The following TTC9C variants were observed in gnomAD, a reference collection of about 807,000 sequenced individuals.
TTC9C encodes the protein tetratricopeptide repeat protein 9C.
A neutral mutation model predicts 22.5 loss-of-function variants in TTC9C; 15 were observed. The ratio of observed to expected loss-of-function variants is 0.67; its 90% CI spans 0.45 to 1.03. TTC9C has a LOEUF of 1.03. Ranked by LOEUF, TTC9C falls within the 50% of genes least tolerant of loss-of-function variation. The probability of loss-of-function intolerance (pLI) is 0.00; values close to 1 mark genes in which losing one functional copy is unlikely to be tolerated. For synonymous variants in TTC9C, 92 were observed against 86.8 expected, an observed-to-expected ratio of 1.06 and a Z score of -0.33; for missense variants, 244 against 214.6, an observed-to-expected ratio of 1.14 and a Z score of -0.86.
intron 2 of TTC9C, among the ~76,000 whole-genome samples, chr11:62,736,682 C>T (rs140326808): frequency 7.6e-4 from 108 of 142,626 alleles, no homozygotes; most frequent in African/African-American, 2.7e-3. Context: ...GGACAGAGGG[C>T]GGCTCCGTCT....
rs780390246 is a variant in TTC9C, at chr11:62,728,982, T to G, written c.134T>G (p.Leu45Arg). The G allele has an allele frequency of 5.0e-6, 8 of 1,614,158 alleles. No homozygotes were observed. In the South Asian group the frequency reaches 7.7e-5, roughly 16 times the overall value. The part of the protein sequence containing the change: ...LLQLRGLDPS[L>R]PSPLPNLGPQ... ...CAGCTGCGGGGTCTGGATCCGAGTC[T>G]GCCCTCTCCGTTACCTAATCTCGGA... Residue 45 changes from leucine to arginine, a missense_variant, in exon 1 of 3, where the codon CTG (leucine) becomes CGG (arginine). Leu to Arg is a moderately radical substitution (Grantham distance 102). Coordinates refer to ENST00000316461, the MANE Select transcript of TTC9C (RefSeq NM_173810.4).
Position 62,728,880 on chromosome 11 carries a change from A to T in TTC9C, c.32A>T (p.Tyr11Phe), listed in dbSNP as rs781709297. The T allele has an allele frequency of 2.2e-5, 35 of 1,614,174 alleles. No individual in the cohort carries two copies. In the East Asian group the frequency reaches 6.5e-4, roughly 30 times the overall value. The change falls in exon 1 of 3, where the codon TAC (tyrosine) becomes TTC (phenylalanine). Residue 11 changes from tyrosine (Y) to phenylalanine (F), a missense_variant. Tyr to Phe is a conservative substitution (Grantham distance 22). Coordinates refer to ENST00000316461, the MANE Select transcript of TTC9C (RefSeq NM_173810.4). The part of the protein sequence containing the change: MEKRLQEAQL[Y>F]KEEGNQRYRE... ...AAGCGTCTGCAGGAGGCTCAGCTGTACAAGGAGGAAGGGAACCAGCGCTAC... is the reference window on the plus strand; with the variant it reads ...AAGCGTCTGCAGGAGGCTCAGCTGTTCAAGGAGGAAGGGAACCAGCGCTAC...
chr11:62,734,742 C>T (rs1432751541), intron 1 of TTC9C, among the ~76,000 whole-genome samples: 1 of 152,094 alleles, frequency 6.6e-6, no homozygotes, highest in Non-Finnish European at 1.5e-5. Context: ...CTCAGCCTCC[C>T]AAAGTGCTAG....
In TTC9C at chr11:62,738,357, A is replaced by G. The variant is rs2083936355; in HGVS notation, c.491A>G (p.Gln164Arg). The change falls in exon 3 of 3, where the codon CAG becomes CGG. Residue 164 changes from glutamine (Q) to arginine (R), a missense_variant. Physicochemically the swap from Gln to Arg is conservative, Grantham distance 43 (BLOSUM62 1). Transcript: ENST00000316461. Reference sequence around the variant, plus strand: ...AGCAGCTACCATAGAAAAGAGAAGCAGCTCTACCTGGGCATGTTTGGTTAA... The same window carrying G: ...AGCAGCTACCATAGAAAAGAGAAGCGGCTCTACCTGGGCATGTTTGGTTAA... The part of the protein sequence containing the change: ...ELSSYHRKEK[Q>R]LYLGMFG The G allele has an allele frequency of 6.2e-7, 1 of 1,612,580 alleles. No homozygotes were observed. Among genetic ancestry groups the G allele is most frequent in the African/African-American group, 1.3e-5 (1 of 74,906 alleles).
chr11:62,735,424 G>A lies in TTC9C; in HGVS notation c.281G>A (p.Arg94Lys). 1 of 1,614,184 alleles carries A rather than the reference G, an allele frequency of 6.2e-7. No homozygotes were observed. The highest frequency in any genetic ancestry group is 8.5e-7 in the Non-Finnish European group (1 of 1,180,032). ...QMEPVNYERV[R>K]EYSQKVLERQ... ...GAGCCCGTGAACTACGAACGAGTGAGAGAATATAGTCAGAAAGTCCTGGAA... is the reference window on the plus strand; with the variant it reads ...GAGCCCGTGAACTACGAACGAGTGAAAGAATATAGTCAGAAAGTCCTGGAA... Residue 94 changes from arginine (R) to lysine (K), a missense_variant, in exon 2 of 3, where the codon AGA becomes AAA. By Grantham distance (26) the Arg-to-Lys change is conservative (BLOSUM62 2). Coordinates refer to ENST00000316461, the MANE Select transcript of TTC9C (RefSeq NM_173810.4).
intron 1 of TTC9C, among the ~76,000 whole-genome samples, chr11:62,733,864 C>T (rs2083880273): frequency 1.3e-5 from 2 of 151,776 alleles, no homozygotes; most frequent in African/African-American, 2.4e-5. Flanking sequence ...TGGTGGTGAG[C>T]GCCTATAATC....
At position 62,738,300 on chromosome 11, in the gene TTC9C, G is replaced by A. The variant is rs1193534161; in HGVS notation, c.434G>A (p.Arg145Gln). Reference sequence around the variant, plus strand: ...ATCATCTTCCAAGATGCCAACGTCCGGCGGTACCTCCAGCTGACACAGTCA... The same window carrying A: ...ATCATCTTCCAAGATGCCAACGTCCAGCGGTACCTCCAGCTGACACAGTCA... ...VNRQPKDANV[R>Q]RYLQLTQSEL... Residue 145 changes from arginine (R) to glutamine (Q), a missense_variant, in exon 3 of 3, where the codon CGG (arginine) becomes CAG (glutamine). Transcript: ENST00000316461. The A allele has an allele frequency of 1.7e-5, 28 of 1,611,270 alleles. No homozygotes were observed. Among genetic ancestry groups the A allele is most frequent in the East Asian group, 4.5e-5 (2 of 44,838 alleles).
intron 2 of TTC9C, 157 bp downstream of exon 2, chr11:62,735,721 A>G: frequency 1.5e-6 from 2 of 1,337,084 alleles, no homozygotes; most frequent in Non-Finnish European, 9.8e-7. Flanking sequence ...TACGATGAAC[A>G]GACCTTTTTC....
In TTC9C at chr11:62,728,651, A is replaced by T. The variant is rs1307046826; in HGVS notation, c.-198A>T. 4 of 693,842 alleles carry T rather than the reference A, an allele frequency of 5.8e-6. No individual in the cohort carries two copies. The highest frequency in any genetic ancestry group is 7.9e-6 in the Non-Finnish European group (3 of 380,316). The allele number at this position is 693,842 out of a possible 1,614,324, so 43.0% of individuals were successfully genotyped here. On this transcript the variant is annotated 5_prime_UTR_variant, in exon 1 of 3. Coordinates refer to ENST00000316461, the MANE Select transcript of TTC9C (RefSeq NM_173810.4). ...TTACTACTTGCCTGCACTTCTTGAG[A>T]AAAAGACTGCAGAAAGGAGAGGTGG...
chr11:62,731,486 A>G lies in TTC9C; in HGVS notation c.238+2400A>G, dbSNP rs112826392. ...GTTGTGCTTGCCGGTAGTCCCAGCT[A>G]TTCTGGAAACTGAGGTGGGCCAATG... On this transcript the variant is annotated intron_variant, in intron 1 of 2. Transcript: ENST00000316461. Among the ~76,000 whole-genome samples the G allele has an allele frequency of 3.0e-3, 462 of 152,142 alleles. 3 individuals are homozygous for G. The highest frequency in any genetic ancestry group is 0.01 in the African/African-American group (427 of 41,534).
At chr11:62,728,260 C>G (rs1051698172), upstream of TTC9C, 1 of 339,126 alleles carries the variant, frequency 2.9e-6, no homozygotes, top group Non-Finnish European at 5.8e-6. Context: ...AGGAACTGGT[C>G]ACGGCGCCGG....
At chr11:62,737,844 A>T (rs540134622) in intron 2 of TTC9C, among the ~76,000 whole-genome samples, 3 of 152,284 alleles carry the variant, frequency 2.0e-5, no homozygotes, top group African/African-American at 7.2e-5. Flanking sequence ...CAGCTTGGCC[A>T]ACATGGTGAA....
At chr11:62,734,479 T>C (rs2083887943) in intron 1 of TTC9C, among the ~76,000 whole-genome samples, 1 of 151,912 alleles carries the variant, frequency 6.6e-6, no homozygotes, top group Admixed American at 6.6e-5. Flanking sequence ...TCCCAGCTAC[T>C]CGGGAGGCTG....
intron 1 of TTC9C, among the ~76,000 whole-genome samples, chr11:62,732,630 ATTTAC>A (rs1253410187): frequency 6.6e-6 from 1 of 150,700 alleles, no homozygotes; most frequent in African/African-American, 2.4e-5. Flanking sequence ...AAAAAAATTA[ATTTAC>A]TTGGGCCAGG....
At chr11:62,730,203 A>G (rs658745) in intron 1 of TTC9C, among the ~76,000 whole-genome samples, 43,596 of 151,488 alleles carry the variant, frequency 0.29, 7,165 homozygotes, top group African/African-American at 0.46. Context: ...AGCCTCTGGA[A>G]TAGCTGGGAT....
upstream of TTC9C, chr11:62,728,190 T>A (rs1267201622): frequency 3.4e-6 from 1 of 290,184 alleles, no homozygotes; most frequent in Non-Finnish European, 6.8e-6. Flanking sequence ...TTCCTCTCCT[T>A]GCTCCTGCTG....
chr11:62,738,311 C>T lies in TTC9C; in HGVS notation c.445C>T (p.Gln149Ter), dbSNP rs767528694. 21 of 1,612,610 alleles carry T rather than the reference C, an allele frequency of 1.3e-5. No individual in the cohort carries two copies. Among genetic ancestry groups the T allele is most frequent in the Non-Finnish European group, 1.8e-5 (21 of 1,179,352 alleles). Residue 149 changes from glutamine to a stop codon, truncating the protein, a stop_gained, in exon 3 of 3, where the codon CAG becomes TAG. Coordinates refer to ENST00000316461, the MANE Select transcript of TTC9C (RefSeq NM_173810.4). LOFTEE classifies it high-confidence loss of function. ...AGATGCCAACGTCCGGCGGTACCTC[C>T]AGCTGACACAGTCAGAACTCAGCAG... is the stretch of plus-strand genomic sequence containing the variant. ...PKDANVRRYLQLTQSELSSYH... is the reference protein window; with the variant it reads ...PKDANVRRYL
At chr11:62,729,401 TATTTTA>T (rs1249947274) in intron 1 of TTC9C, among the ~76,000 whole-genome samples, 4 of 139,876 alleles carry the variant, frequency 2.9e-5, no homozygotes, top group Non-Finnish European at 4.8e-5. Context: ...TATTTTATTT[TATTTTA>T]TTTTTTTTTG....
intron 1 of TTC9C, among the ~76,000 whole-genome samples, chr11:62,730,862 C>G (rs2083840466): frequency 6.6e-6 from 1 of 151,604 alleles, no homozygotes; most frequent in Admixed American, 6.6e-5. Context: ...CTTGAGCCAC[C>G]ACGCCTGGCC....
Sources: allele counts gnomAD v4.1 joint callset (sites outside exome capture counted in the v4.1 genomes callset), GRCh38; gene constraint gnomAD v4.1.1; transcripts MANE v1.5; gene names NCBI Gene and HGNC (gene_info 2026-07-23, HGNC 2026-07-21).